The following PAX3 variants were observed in gnomAD, a reference collection of about 807,000 sequenced individuals.
PAX3 encodes the protein paired box protein Pax-3.
A neutral mutation model predicts 51.6 loss-of-function variants in PAX3; 14 were observed. The observed-to-expected ratio is 0.27, with a 90% CI of 0.18 to 0.42. The LOEUF (loss-of-function observed/expected upper bound fraction) is 0.42. Among genes scored for constraint, PAX3 ranks in the 10% least tolerant of loss-of-function variants. The probability of loss-of-function intolerance (pLI) is 1.00; values close to 1 mark genes in which losing one functional copy is unlikely to be tolerated. For synonymous variants in PAX3, 280 were observed against 253.4 expected (o/e 1.11, Z -1.00); for missense variants, 540 against 642.8 (o/e 0.84, Z 1.73).
At chr2:222,251,936 C>T in intron 4 of PAX3, among the ~76,000 whole-genome samples, 1 of 152,130 alleles carries the variant, frequency 6.6e-6, no homozygotes, top group South Asian at 2.1e-4. Context: ...GAAAAATCAT[C>T]ACAAACATAA....
At chr2:222,285,606 T>C (rs1479101835) in intron 4 of PAX3, among the ~76,000 whole-genome samples, 1 of 152,382 alleles carries the variant, frequency 6.6e-6, no homozygotes, top group East Asian at 1.9e-4. Context: ...GCATTGACTA[T>C]GAGAGTACAC....
chr2:222,251,476 A>G (rs181680132), intron 4 of PAX3, among the ~76,000 whole-genome samples: 39 of 152,264 alleles, frequency 2.6e-4, no homozygotes, highest in Middle Eastern at 3.4e-3. Flanking sequence ...TCCATGGTGT[A>G]TATGTGCCAC....
intron 4 of PAX3, among the ~76,000 whole-genome samples, chr2:222,290,948 AG>A (rs1231933305): frequency 6.7e-6 from 1 of 148,594 alleles, no homozygotes; most frequent in Non-Finnish European, 1.5e-5. Context: ...GAGGAGAAGA[AG>A]GGGGGAGGCG....
At chr2:222,287,612 A>C (rs753538683) in intron 4 of PAX3, 3 of 152,232 alleles carry the variant, frequency 2.0e-5, no homozygotes, top group Non-Finnish European at 4.4e-5. Context: ...GAACTATCTA[A>C]TGCTATATCT....
chr2:222,227,477 G>A (rs1217609171), intron 5 of PAX3, among the ~76,000 whole-genome samples: 2 of 151,930 alleles, frequency 1.3e-5, no homozygotes, highest in Non-Finnish European at 2.9e-5. Context: ...CTGTAGTCTC[G>A]GCTACCCAGG....
chr2:222,230,627 C>T (rs1207860158), intron 5 of PAX3, among the ~76,000 whole-genome samples: 5 of 151,952 alleles, frequency 3.3e-5, no homozygotes, highest in African/African-American at 4.8e-5. Flanking sequence ...GAGGCCAAGG[C>T]GGCCAGATCA....
chr2:222,280,743 G>C (rs1458906221), intron 4 of PAX3, among the ~76,000 whole-genome samples: 1 of 152,188 alleles, frequency 6.6e-6, no homozygotes, highest in Non-Finnish European at 1.5e-5. Context: ...GAGAAGCCCA[G>C]AAACTGAATC....
chr2:222,210,266 T>C (rs1436366402), intron 7 of PAX3, among the ~76,000 whole-genome samples: 1 of 152,184 alleles, frequency 6.6e-6, no homozygotes, highest in East Asian at 1.9e-4. Context: ...TGCTCCTCAA[T>C]TGATAAACTC....
intron 4 of PAX3, among the ~76,000 whole-genome samples, chr2:222,279,426 CTT>C (rs1427440819): frequency 6.6e-6 from 1 of 152,138 alleles, no homozygotes; most frequent in Admixed American, 6.5e-5. Context: ...TGACTTCACT[CTT>C]TTCACCTAAG....
intron 4 of PAX3, among the ~76,000 whole-genome samples, chr2:222,283,320 G>T (rs2106178607): frequency 6.6e-6 from 1 of 152,256 alleles, no homozygotes; most frequent in Non-Finnish European, 1.5e-5. Flanking sequence ...TGCCAAAGGG[G>T]GAAGATAATA....
chr2:222,272,942 G>T (rs1299757743), intron 4 of PAX3, among the ~76,000 whole-genome samples: 1 of 152,166 alleles, frequency 6.6e-6, no homozygotes, highest in Non-Finnish European at 1.5e-5. Context: ...TTCTCTTTCA[G>T]ACCTAAAGTT....
At chr2:222,291,316 G>T (rs534312637) in intron 4 of PAX3, among the ~76,000 whole-genome samples, 6 of 152,306 alleles carry the variant, frequency 3.9e-5, no homozygotes, top group African/African-American at 1.4e-4. Flanking sequence ...TTAGTGAACC[G>T]CCCAGCCCTC....
At position 222,297,080 on chromosome 2, in the gene PAX3, C is replaced by A. The variant is rs1695339903; in HGVS notation, c.219G>T (p.Ser73=). The change falls in exon 2 of 9, where the codon TCG becomes TCT. Residue 73 remains serine, a synonymous_variant. Transcript: ENST00000392070. ...AHHGIRPCVI[S]RQLRVSHGCV... is the part of the protein sequence containing the mutation. Reference sequence around the variant, plus strand: ...AGCCGTGGGACACGCGCAGCTGGCGCGAGATGACGCAGGGCCGGATGCCGT... The same window carrying A: ...AGCCGTGGGACACGCGCAGCTGGCGAGAGATGACGCAGGGCCGGATGCCGT... 6.2e-7 allele frequency: 1 copy of A among 1,614,146 alleles called. No homozygotes were observed. Among genetic ancestry groups the A allele is most frequent in the African/African-American group, 1.3e-5 (1 of 75,080 alleles).
At chr2:222,297,417 A>G (rs1333271182) in intron 1 of PAX3, among the ~76,000 whole-genome samples, 1 of 152,208 alleles carries the variant, frequency 6.6e-6, no homozygotes, top group Non-Finnish European at 1.5e-5. Flanking sequence ...AGCGCATGTA[A>G]TCTTGTGTAA....
rs979356771 is a variant in PAX3, at chr2:222,223,113, A to G, written c.793-1726T>C. ...AGATCATTTAAGAGCGGAGGAAAAGATTTTTCTGGAGAAGAAGCTCAATTT... is the reference window on the plus strand; with the variant it reads ...AGATCATTTAAGAGCGGAGGAAAAGGTTTTTCTGGAGAAGAAGCTCAATTT... On this transcript the variant is annotated intron_variant, in intron 5 of 8. Transcript: ENST00000392070. Among the ~76,000 whole-genome samples the G allele has an allele frequency of 4.6e-5, 7 of 152,228 alleles. No individual in the cohort carries two copies. In the East Asian group the frequency reaches 9.7e-4, roughly 21 times the overall value.
At chr2:222,279,304 C>CGTGTGTGT (rs57076966) in intron 4 of PAX3, among the ~76,000 whole-genome samples, 29,090 of 147,954 alleles carry the variant, frequency 0.2, 3,115 homozygotes, top group Admixed American at 0.28. Context: ...CAAGCCTGTG[C>CGTGTGTGT]GTGTGTGTGT....
chr2:222,290,017 A>G lies in PAX3; in HGVS notation c.586+4150T>C, dbSNP rs1013434391. Reference sequence around the variant, plus strand: ...CCATAAACCTATGATCTTATACCCAATGATTTTAATCTATGGGAAAGTTCG... The same window carrying G: ...CCATAAACCTATGATCTTATACCCAGTGATTTTAATCTATGGGAAAGTTCG... On this transcript the variant is annotated intron_variant, in intron 4 of 8. Transcript: ENST00000392070. Among the ~76,000 whole-genome samples the G allele has an allele frequency of 2.6e-5, 4 of 152,248 alleles. No individual in the cohort carries two copies. The East Asian group carries it at 5.8e-4, about 22-fold the overall frequency.
chr2:222,291,969 G>GTTGTGT (rs1376811395), intron 4 of PAX3, among the ~76,000 whole-genome samples: 1 of 133,642 alleles, frequency 7.5e-6, no homozygotes. Flanking sequence ...CAGCCTCCAA[G>GTTGTGT]GTGTGTGTGT....
chr2:222,283,314 A>C (rs1042789828), intron 4 of PAX3, among the ~76,000 whole-genome samples: 2 of 152,196 alleles, frequency 1.3e-5, no homozygotes, highest in Non-Finnish European at 2.9e-5. Flanking sequence ...CATTTCTGCC[A>C]AAGGGGGAAG....
Sources: allele counts gnomAD v4.1 joint callset (sites outside exome capture counted in the v4.1 genomes callset), GRCh38; gene constraint gnomAD v4.1.1; transcripts MANE v1.5; gene names NCBI Gene and HGNC (gene_info 2026-07-23, HGNC 2026-07-21).